SPTBN2: variants seen among roughly 807,000 people sequenced by gnomAD.
SPTBN2 encodes spectrin beta chain, non-erythrocytic 2.
A neutral mutation model predicts 284.2 loss-of-function variants in SPTBN2; 107 were observed. That is an observed-to-expected ratio of 0.38 (90% confidence interval 0.32 to 0.44). SPTBN2 has a LOEUF of 0.44. SPTBN2 is among the 20% of genes least tolerant of loss of function. SPTBN2 has a pLI of 1.00. For synonymous variants in SPTBN2, 1,289 were observed against 1,354.8 expected (o/e 0.95, Z 1.07); for missense variants, 2,569 against 3,287.1 (o/e 0.78, Z 5.34).
intron 1 of SPTBN2, among the ~76,000 whole-genome samples, chr11:66,721,741 G>A (rs950924080): frequency 6.6e-6 from 1 of 152,172 alleles, no homozygotes; most frequent in East Asian, 1.9e-4. Context: ...CTGTAGGCAA[G>A]TTGAGAGAAA....
At chr11:66,690,456 T>G (rs1239232597) in intron 27 of SPTBN2, 173 bp from the exon 28 acceptor site, 1 of 887,668 alleles carries the variant, frequency 1.1e-6, no homozygotes, top group East Asian at 2.7e-5. Flanking sequence ...GGCCACACTC[T>G]GCCCTGTTGG....
At chr11:66,727,768 G>C (rs1942673335) in intron 1 of SPTBN2, among the ~76,000 whole-genome samples, 5 of 151,680 alleles carry the variant, frequency 3.3e-5, no homozygotes, top group Admixed American at 1.3e-4. Flanking sequence ...GCAGTCCGCC[G>C]GGCAGAGGCG....
intron 13 of SPTBN2, 28 bp from the exon 14 acceptor site, chr11:66,705,865 C>A (rs1269394545): frequency 1.2e-6 from 2 of 1,609,950 alleles, no homozygotes; most frequent in East Asian, 4.5e-5. Flanking sequence ...AGTGCACATG[C>A]CCGCCTGAGC....
intron 13 of SPTBN2, among the ~76,000 whole-genome samples, chr11:66,706,788 G>A (rs1047906672): frequency 2.0e-5 from 3 of 150,176 alleles, no homozygotes; most frequent in Admixed American, 6.6e-5. Flanking sequence ...CGCTACCACC[G>A]CACCTGGTTA....
intron 8 of SPTBN2, among the ~76,000 whole-genome samples, chr11:66,712,048 TC>T (rs1818357550): frequency 6.6e-6 from 1 of 152,182 alleles, no homozygotes; most frequent in South Asian, 2.1e-4. Flanking sequence ...GTCTCCACTT[TC>T]CCAGAGGCAG....
chr11:66,726,642 G>A (rs1391718994), intron 1 of SPTBN2, among the ~76,000 whole-genome samples: 1 of 152,222 alleles, frequency 6.6e-6, no homozygotes, highest in East Asian at 1.9e-4. Flanking sequence ...GATGGGAGAG[G>A]AAGATGAAGA....
intron 3 of SPTBN2, among the ~76,000 whole-genome samples, chr11:66,720,131 G>A (rs1382403274): frequency 2.6e-5 from 4 of 152,162 alleles, no homozygotes; most frequent in Admixed American, 2.0e-4. Context: ...ACATCCCTGG[G>A]TGATCCTGTA....
At chr11:66,739,327 C>G (rs1027003685) in intron 1 of SPTBN2, among the ~76,000 whole-genome samples, 4 of 152,194 alleles carry the variant, frequency 2.6e-5, no homozygotes, top group African/African-American at 9.6e-5. Context: ...GTATCCCTGG[C>G]AAAGTGCTTC....
At chr11:66,686,941 T>G in intron 36 of SPTBN2, 53 bp downstream of exon 36, 1 of 1,610,064 alleles carries the variant, frequency 6.2e-7, no homozygotes, top group Non-Finnish European at 8.5e-7. Context: ...ATGGCTCACC[T>G]GTGTCACTCC....
At chr11:66,721,784 G>A (rs939851344) in intron 1 of SPTBN2, among the ~76,000 whole-genome samples, 1 of 152,118 alleles carries the variant, frequency 6.6e-6, no homozygotes. Flanking sequence ...GGTGGCTCAC[G>A]CCTGTAATCA....
At position 66,689,889 on chromosome 11, in the gene SPTBN2, C is replaced by G. The variant is rs771691919; in HGVS notation, c.5865G>C (p.Glu1955Asp). 1.2e-6 allele frequency: 2 copies of G among 1,614,196 alleles called. No homozygotes were observed. Among genetic ancestry groups the G allele is most frequent in the Non-Finnish European group, 1.7e-6 (2 of 1,180,036 alleles). Residue 1955 changes from glutamate (E) to aspartate (D), a missense_variant, in exon 29 of 38, where the codon GAG (glutamate) becomes GAC (aspartate). By Grantham distance (45) the Glu-to-Asp change is conservative (BLOSUM62 2). Around this residue, in one of 6 missense-constraint regions of SPTBN2, gnomAD observed 1,130 missense variants for 1,317.3 expected, o/e 0.86. Transcript: ENST00000533211. ...AGAAGCGGTCTGCCCGGGCCTCTATCTCTGCCTTGATGCCTTGCTGGTTCT... is the reference window on the plus strand; with the variant it reads ...AGAAGCGGTCTGCCCGGGCCTCTATGTCTGCCTTGATGCCTTGCTGGTTCT... ...VIKNQQGIKA[E>D]IEARADRFSS...
chr11:66,710,784 A>T lies in SPTBN2; in HGVS notation c.886-15T>A. On this transcript the variant is annotated splice_polypyrimidine_tract_variant and intron_variant, in intron 9 of 37. Transcript: ENST00000533211. This position sits in a 1 kb window ranked among gnomAD's most constrained non-coding sequence, Gnocchi z 4.9. ...TGGTCCAGCACCTGGGAGGCAGAAGACAGGGACGTGACAGTCCCAGCCACA... is the reference window on the plus strand; with the variant it reads ...TGGTCCAGCACCTGGGAGGCAGAAGTCAGGGACGTGACAGTCCCAGCCACA... The T allele has an allele frequency of 6.2e-7, 1 of 1,613,648 alleles. No homozygotes were observed. The highest frequency in any genetic ancestry group is 8.5e-7 in the Non-Finnish European group (1 of 1,180,022).
chr11:66,698,609 C>T, intron 20 of SPTBN2, 30 bp downstream of exon 20: 1 of 1,613,912 alleles, frequency 6.2e-7, no homozygotes, highest in Non-Finnish European at 8.5e-7. Flanking sequence ...GGGGACTCTG[C>T]CCAGAGGCAG....
In SPTBN2 at chr11:66,688,245, C is replaced by G. The variant is rs745437440; in HGVS notation, c.6298G>C (p.Ala2100Pro). ...EEEERRKQPP[A>P]PEPTASVPPG... ...GGCACACTGGCTGTGGGTTCGGGAG[C>G]AGGCGGCTGTTTCCGCCGCTCCTCC... The change falls in exon 32 of 38, where the codon GCT (alanine) becomes CCT (proline). Residue 2100 changes from alanine (A) to proline (P), a missense_variant. Ala to Pro is a conservative substitution (Grantham distance 27). Transcript: ENST00000533211. 8 of 1,613,430 alleles carry G rather than the reference C, an allele frequency of 5.0e-6. No individual in the cohort carries two copies. Among genetic ancestry groups the G allele is most frequent in the Non-Finnish European group, 6.8e-6 (8 of 1,179,910 alleles).
At chr11:66,731,646 T>C (rs1013986885), upstream of SPTBN2, among the ~76,000 whole-genome samples, 8 of 152,216 alleles carry the variant, frequency 5.3e-5, no homozygotes, top group Non-Finnish European at 8.8e-5. Context: ...CATTTAAACA[T>C]GCTCAAGCAT....
upstream of SPTBN2, among the ~76,000 whole-genome samples, chr11:66,730,976 G>C (rs1942803960): frequency 6.6e-6 from 1 of 152,144 alleles, no homozygotes; most frequent in Non-Finnish European, 1.5e-5. Flanking sequence ...TAAAAGCATT[G>C]ATTTTGGAGT....
In SPTBN2 at chr11:66,683,474, C is replaced by T. The variant is rs144836716; in HGVS notation, c.*2397G>A. Among the ~76,000 whole-genome samples the T allele has an allele frequency of 3.8e-3, 582 of 152,312 alleles. 2 individuals carry two copies. The Middle Eastern group carries it at 0.044, about 12-fold the overall frequency. On this transcript the variant is annotated 3_prime_UTR_variant, in exon 38 of 38. Transcript: ENST00000533211. ...ATAGCCCTCACCGCCCCATTCCATC[C>T]TGTTGTCTTTCCTGGAATTTTTTCT... is the stretch of plus-strand genomic sequence containing the variant.
At position 66,708,925 on chromosome 11, in the gene SPTBN2, G is replaced by A. The variant is rs373204092; in HGVS notation, c.1168C>T (p.Arg390Trp). The A allele has an allele frequency of 8.1e-6, 13 of 1,613,886 alleles. No individual in the cohort carries two copies. The highest frequency in any genetic ancestry group is 4.5e-5 in the East Asian group (2 of 44,884). Residue 390 changes from arginine (R) to tryptophan (W), a missense_variant, in exon 11 of 38, where the codon CGG (arginine) becomes TGG (tryptophan). Coordinates refer to ENST00000533211, the MANE Select transcript of SPTBN2 (RefSeq NM_006946.4). This position sits in a 1 kb window ranked among gnomAD's most constrained non-coding sequence, Gnocchi z 4.4. ...ACCTTGTTGATGTCCGAGATGAGCCGGCCCTCGCGGGGCGTGTAGACCTTC... is the reference window on the plus strand; with the variant it reads ...ACCTTGTTGATGTCCGAGATGAGCCAGCCCTCGCGGGGCGTGTAGACCTTC... Reference protein sequence around the residue: ...NQKVYTPREGRLISDINKAWE... With the variant: ...NQKVYTPREGWLISDINKAWE...
Position 66,689,935 on chromosome 11 carries a change from G to A in SPTBN2, c.5819C>T (p.Ser1940Phe), listed in dbSNP as rs969917005. 2.5e-6 allele frequency: 4 copies of A among 1,613,868 alleles called. No individual in the cohort carries two copies. The highest frequency in any genetic ancestry group is 3.4e-6 in the Non-Finnish European group (4 of 1,179,954). Reference protein sequence around the residue: ...MDAQERPRDVSSADLVIKNQQ... With the variant: ...MDAQERPRDVFSADLVIKNQQ... ...GTTCTTGATGACTAGATCCGCGGAG[G>A]ACACATCCCTGGGGGGAGGCAGAAA... The change falls in exon 29 of 38, where the codon TCC (serine) becomes TTC (phenylalanine). Residue 1940 changes from serine (S) to phenylalanine (F), a missense_variant. Coordinates refer to ENST00000533211, the MANE Select transcript of SPTBN2 (RefSeq NM_006946.4).
Sources: allele counts gnomAD v4.1 joint callset (sites outside exome capture counted in the v4.1 genomes callset), GRCh38; gene constraint gnomAD v4.1.1; regional missense constraint gnomAD v4.1.1; non-coding constraint Gnocchi (gnomAD v3.1); transcripts MANE v1.5; gene names NCBI Gene and HGNC (gene_info 2026-07-23, HGNC 2026-07-21).